The following PROS1 variants were observed in gnomAD, a reference collection of about 807,000 sequenced individuals.
The protein encoded by PROS1 is vitamin K-dependent protein S.
A neutral mutation model predicts 75.9 loss-of-function variants in PROS1; 29 were observed. The observed-to-expected ratio is 0.38, with a 90% CI of 0.28 to 0.52. PROS1 has a LOEUF of 0.52. Among genes scored for constraint, PROS1 ranks in the 20% least tolerant of loss-of-function variants. The probability of loss-of-function intolerance (pLI) is 0.83; values close to 1 mark genes in which losing one functional copy is unlikely to be tolerated. For synonymous variants in PROS1, 245 were observed against 280.6 expected, an observed-to-expected ratio of 0.87 and a Z score of 1.27; for missense variants, 680 against 810.3, an observed-to-expected ratio of 0.84 and a Z score of 1.95.
intron 3 of PROS1, among the ~76,000 whole-genome samples, chr3:93,911,610 G>T (rs1217580688): frequency 2.3e-4 from 35 of 152,152 alleles, no homozygotes; most frequent in Admixed American, 2.2e-3. Flanking sequence ...TGGGGCAGGG[G>T]ACTGCTTCCA....
chr3:93,936,677 C>A (rs1253777130), intron 1 of PROS1, among the ~76,000 whole-genome samples: 1 of 152,124 alleles, frequency 6.6e-6, no homozygotes, highest in Non-Finnish European at 1.5e-5. Context: ...AAATAAATTT[C>A]TATGGTTTAA....
chr3:93,878,541 C>T (rs916797242), intron 13 of PROS1, among the ~76,000 whole-genome samples: 1 of 152,220 alleles, frequency 6.6e-6, no homozygotes, highest in Non-Finnish European at 1.5e-5. Context: ...GACAGAACGA[C>T]TATGCTCTAA....
At chr3:93,968,504 C>A (rs1257595838) in intron 1 of PROS1, among the ~76,000 whole-genome samples, 1 of 152,024 alleles carries the variant, frequency 6.6e-6, no homozygotes, top group Non-Finnish European at 1.5e-5. Flanking sequence ...TTGTTTAAAC[C>A]ACCTACTTTG....
rs1708985265 is a variant in PROS1 at position 93,924,255 on chromosome 3, A to C, written c.244T>G (p.Tyr82Asp). ...TTGAACTTACCTAAGTATTTTGGAT[A>C]AAAATAATCCTAGAAAGAAGAAAAA... ...FENDPETDYF[Y>D]PKYLVCLRSF... The change falls in exon 3 of 15, where the codon TAT becomes GAT. Residue 82 changes from tyrosine to aspartate, a missense_variant. Tyr to Asp is a radical substitution (Grantham distance 160). Coordinates refer to ENST00000394236, the MANE Select transcript of PROS1 (RefSeq NM_000313.4). The C allele has an allele frequency of 7.7e-7, 1 of 1,294,446 alleles. No individual in the cohort carries two copies. The highest frequency in any genetic ancestry group is 1.1e-6 in the Non-Finnish European group (1 of 944,646). 80.2% of individuals were successfully genotyped at this position (1,294,446 alleles called of 1,614,324 possible). A position where few individuals can be genotyped will look rare whatever the true frequency, so the allele number is the denominator to read the frequency against.
intron 3 of PROS1, among the ~76,000 whole-genome samples, chr3:93,921,998 CA>C: frequency 6.6e-6 from 1 of 152,156 alleles, no homozygotes; most frequent in South Asian, 2.1e-4. Flanking sequence ...TTTAAATTAT[CA>C]AATCTGTTTT....
At chr3:93,876,177 T>TA (rs1194190696) in intron 14 of PROS1, among the ~76,000 whole-genome samples, 1 of 152,200 alleles carries the variant, frequency 6.6e-6, no homozygotes, top group Non-Finnish European at 1.5e-5. Flanking sequence ...TCCTCATCTG[T>TA]AAAATGGGGA....
intron 3 of PROS1, among the ~76,000 whole-genome samples, chr3:93,915,151 T>C (rs1223078598): frequency 6.6e-6 from 1 of 152,194 alleles, no homozygotes; most frequent in Non-Finnish European, 1.5e-5. Flanking sequence ...CTTTTTCTCA[T>C]ATATTACTGT....
intron 3 of PROS1, among the ~76,000 whole-genome samples, chr3:93,911,454 T>C (rs1444974878): frequency 2.6e-5 from 4 of 152,218 alleles, no homozygotes; most frequent in African/African-American, 7.2e-5. Context: ...GATGGTGTTT[T>C]ACTTAGCTTT....
At chr3:93,888,473 T>C (rs779497694) in intron 10 of PROS1, among the ~76,000 whole-genome samples, 7 of 152,214 alleles carry the variant, frequency 4.6e-5, no homozygotes, top group Non-Finnish European at 1.0e-4. Context: ...ATTGGGTATA[T>C]GTGAAGGTAG....
chr3:93,881,252 G>A (rs1708271643), intron 12 of PROS1, among the ~76,000 whole-genome samples: 1 of 152,122 alleles, frequency 6.6e-6, no homozygotes, highest in African/African-American at 2.4e-5. Context: ...AGCCCAGAAG[G>A]TCTAGGTTAC....
chr3:93,910,592 T>C, intron 4 of PROS1, 27 bp downstream of exon 4: 1 of 1,581,564 alleles, frequency 6.3e-7, no homozygotes, highest in Non-Finnish European at 8.7e-7. Flanking sequence ...TTGTTTTGTT[T>C]TTTCAATTGA....
chr3:93,943,532 C>G (rs1055601109), intron 1 of PROS1, among the ~76,000 whole-genome samples: 3 of 152,170 alleles, frequency 2.0e-5, no homozygotes, highest in African/African-American at 7.2e-5. Flanking sequence ...CTCTCCCACT[C>G]TAGGCTCCCA....
intron 1 of PROS1, among the ~76,000 whole-genome samples, chr3:93,943,483 A>G (rs1241913316): frequency 2.0e-5 from 3 of 151,928 alleles, no homozygotes; most frequent in African/African-American, 2.4e-5. Flanking sequence ...ACAACCCCAC[A>G]ATATCACCCC....
chr3:93,971,329 C>G (rs1255551869), intron 1 of PROS1, among the ~76,000 whole-genome samples: 1 of 150,992 alleles, frequency 6.6e-6, no homozygotes, highest in African/African-American at 2.4e-5. Flanking sequence ...GCACTCCAGC[C>G]TGGGCAACAG....
chr3:93,904,354 C>T (rs1708642869), intron 6 of PROS1, among the ~76,000 whole-genome samples: 1 of 152,116 alleles, frequency 6.6e-6, no homozygotes, highest in Non-Finnish European at 1.5e-5. Context: ...AATCCAAACT[C>T]AAACAGACCT....
chr3:93,882,628 G>T (rs570502852), intron 12 of PROS1, among the ~76,000 whole-genome samples: 2 of 152,272 alleles, frequency 1.3e-5, no homozygotes, highest in East Asian at 3.9e-4. Context: ...TTTAGGTAAA[G>T]ATTTAAACAA....
In PROS1 at chr3:93,884,877, C is replaced by G; in HGVS notation, c.1343G>C (p.Gly448Ala). 6.2e-7 allele frequency: 1 copy of G among 1,613,100 alleles called. No homozygotes were observed. Among genetic ancestry groups the G allele is most frequent in the Non-Finnish European group, 8.5e-7 (1 of 1,179,604 alleles). Residue 448 changes from glycine to alanine, a missense_variant, in exon 12 of 15, where the codon GGA (glycine) becomes GCA (alanine). Transcript: ENST00000394236. The stretch of plus-strand genomic sequence containing the variant: ...CATCAAATTCCAGCTTCGTATACAT[C>G]CATCTAGACGAGGGTTAATCTAACA... ...LIKPINPRLD[G>A]CIRSWNLMKQ...
chr3:93,881,313 CCCTGTCTCAA>C (rs1357955438), intron 12 of PROS1, among the ~76,000 whole-genome samples: 1 of 151,934 alleles, frequency 6.6e-6, no homozygotes, highest in Non-Finnish European at 1.5e-5. Flanking sequence ...CAGAGAGAGA[CCCTGTCTCAA>C]AAACAAACAA....
intron 1 of PROS1, among the ~76,000 whole-genome samples, chr3:93,968,755 G>T (rs1248302210): frequency 6.6e-6 from 1 of 152,108 alleles, no homozygotes; most frequent in African/African-American, 2.4e-5. Flanking sequence ...AAAATCAGAG[G>T]ATTATGTTAG....
Sources: allele counts gnomAD v4.1 joint callset (sites outside exome capture counted in the v4.1 genomes callset), GRCh38; gene constraint gnomAD v4.1.1; transcripts MANE v1.5; gene names NCBI Gene and HGNC (gene_info 2026-07-23, HGNC 2026-07-21).